ZBTB7C: variants seen among roughly 807,000 people sequenced by gnomAD.
ZBTB7C encodes zinc finger and BTB domain-containing protein 7C.
ZBTB7C carries 8 observed loss-of-function variants against 25.7 expected under a neutral mutation model. The observed-to-expected ratio is 0.31, with a 90% CI of 0.18 to 0.56. The LOEUF is 0.56. ZBTB7C is among the 20% of genes least tolerant of loss of function. The pLI is 0.91. For synonymous variants in ZBTB7C, 394 were observed against 369.0 expected, an observed-to-expected ratio of 1.07 and a Z score of -0.78; for missense variants, 824 against 855.2, an observed-to-expected ratio of 0.96 and a Z score of 0.46.
At chr18:48,171,318 A>G (rs1027668684) in intron 3 of ZBTB7C, among the ~76,000 whole-genome samples, 1 of 152,214 alleles carries the variant, frequency 6.6e-6, no homozygotes, top group African/African-American at 2.4e-5. Context: ...CCCCTCCTGG[A>G]GAGCAATGGG....
chr18:48,090,770 C>G (rs2038382325), intron 3 of ZBTB7C, among the ~76,000 whole-genome samples: 1 of 151,286 alleles, frequency 6.6e-6, no homozygotes, highest in Non-Finnish European at 1.5e-5. Context: ...AGACCCACCC[C>G]TTGCCTGTCT....
chr18:48,070,354 G>A (rs1011497531), intron 3 of ZBTB7C, among the ~76,000 whole-genome samples: 1 of 152,206 alleles, frequency 6.6e-6, no homozygotes, highest in African/African-American at 2.4e-5. Context: ...AATCCCAGCT[G>A]TAGGCTGGTC....
intron 1 of ZBTB7C, among the ~76,000 whole-genome samples, chr18:48,357,636 G>A (rs559783182): frequency 2.4e-4 from 37 of 152,276 alleles, no homozygotes; most frequent in Admixed American, 8.5e-4. Context: ...CTCCTGGAAG[G>A]TCTCACTAGT....
At chr18:48,256,914 AG>A (rs2044037074) in intron 2 of ZBTB7C, among the ~76,000 whole-genome samples, 1 of 152,038 alleles carries the variant, frequency 6.6e-6, no homozygotes, top group South Asian at 2.1e-4. Flanking sequence ...AAAAATATTC[AG>A]TCCAAAGGAA....
At chr18:48,147,775 G>C (rs1190896771) in intron 3 of ZBTB7C, 1 of 151,078 alleles carries the variant, frequency 6.6e-6, no homozygotes, top group African/African-American at 2.4e-5. Context: ...CACCACGCCT[G>C]GCTAATTGTT....
intron 3 of ZBTB7C, among the ~76,000 whole-genome samples, chr18:48,127,702 C>T (rs1030391699): frequency 3.8e-4 from 58 of 152,218 alleles, no homozygotes; most frequent in Admixed American, 2.4e-3. Context: ...GGTTGGCCGA[C>T]GCTCAGCTCC....
At chr18:48,056,752 T>C (rs1196885726) in intron 3 of ZBTB7C, among the ~76,000 whole-genome samples, 2 of 152,126 alleles carry the variant, frequency 1.3e-5, no homozygotes, top group Non-Finnish European at 2.9e-5. Context: ...AAATGATACA[T>C]GTAGCAAAGC....
At chr18:48,045,983 C>T (rs1295695834) in intron 3 of ZBTB7C, among the ~76,000 whole-genome samples, 1 of 152,212 alleles carries the variant, frequency 6.6e-6, no homozygotes, top group African/African-American at 2.4e-5. Flanking sequence ...ATGGGTGAGC[C>T]ACCTTGAGAG....
At chr18:48,390,423 C>T (rs561193586) in intron 1 of ZBTB7C, among the ~76,000 whole-genome samples, 8 of 152,140 alleles carry the variant, frequency 5.3e-5, no homozygotes, top group South Asian at 2.1e-4. Flanking sequence ...TTTTAACACA[C>T]ACATATAACA....
At chr18:48,289,555 TATATATTTATTATA>T (rs2045158647) in intron 2 of ZBTB7C, among the ~76,000 whole-genome samples, 1 of 131,040 alleles carries the variant, frequency 7.6e-6, no homozygotes, top group South Asian at 2.7e-4. Context: ...ATTCATTCAA[TATATATTTATTATA>T]ATATATTTAT....
chr18:48,378,312 C>T (rs1177617647), intron 1 of ZBTB7C, among the ~76,000 whole-genome samples: 1 of 152,154 alleles, frequency 6.6e-6, no homozygotes, highest in Admixed American at 6.5e-5. Flanking sequence ...AGATCTGCCA[C>T]ACTGAAAACA....
chr18:48,103,974 A>G (rs1477723111), intron 3 of ZBTB7C, among the ~76,000 whole-genome samples: 2 of 152,124 alleles, frequency 1.3e-5, no homozygotes, highest in Non-Finnish European at 2.9e-5. Flanking sequence ...GCTAATGGGT[A>G]TGGGGTTTCT....
At chr18:48,061,176 G>A (rs1310371381) in intron 3 of ZBTB7C, among the ~76,000 whole-genome samples, 1 of 152,168 alleles carries the variant, frequency 6.6e-6, no homozygotes, top group Non-Finnish European at 1.5e-5. Context: ...AAACTGAAAG[G>A]AAAAATGTGT....
At chr18:48,375,256 C>G (rs1160177803) in intron 1 of ZBTB7C, among the ~76,000 whole-genome samples, 1 of 152,246 alleles carries the variant, frequency 6.6e-6, no homozygotes, top group Non-Finnish European at 1.5e-5. Context: ...CAGTCTCTCC[C>G]CGCCTGGTGT....
chr18:48,156,404 C>T (rs191533704), intron 3 of ZBTB7C, among the ~76,000 whole-genome samples: 13 of 152,302 alleles, frequency 8.5e-5, no homozygotes, highest in African/African-American at 3.1e-4. Context: ...CATCAGTTTT[C>T]CAGTCTGTCT....
intron 2 of ZBTB7C, among the ~76,000 whole-genome samples, chr18:48,317,749 C>T (rs921696177): frequency 6.6e-6 from 1 of 152,204 alleles, no homozygotes; most frequent in Admixed American, 6.5e-5. Context: ...CTATTGAGGG[C>T]AGAGCCAGTG....
intron 3 of ZBTB7C, among the ~76,000 whole-genome samples, chr18:48,104,461 TA>T (rs1264066939): frequency 6.6e-6 from 1 of 152,186 alleles, no homozygotes; most frequent in Non-Finnish European, 1.5e-5. Context: ...CTCTTTTCTT[TA>T]TAAATTGTCT....
At chr18:48,083,806 A>G in intron 3 of ZBTB7C, 2 of 981,998 alleles carry the variant, frequency 2.0e-6, no homozygotes, top group Non-Finnish European at 2.4e-6. Flanking sequence ...TCTGATTATG[A>G]GGTTATAAAG....
In ZBTB7C at chr18:48,111,409, T is replaced by C. The variant is rs539913690; in HGVS notation, c.-16-70286A>G. Among the ~76,000 whole-genome samples, 7 of 152,320 alleles carry C rather than the reference T, an allele frequency of 4.6e-5. No individual in the cohort carries two copies. In the South Asian group the frequency reaches 1.4e-3, roughly 32 times the overall value. ...TAAGGTTTATGAAGTGAACAATGGATTTCAAAATTAAAAAGTCAGTGATGA... is the reference window on the plus strand; with the variant it reads ...TAAGGTTTATGAAGTGAACAATGGACTTCAAAATTAAAAAGTCAGTGATGA... On this transcript the variant is annotated intron_variant, in intron 3 of 4. Transcript: ENST00000590800.
Sources: gnomAD v4.1 joint callset for allele counts (sites outside exome capture counted in the v4.1 genomes callset) on GRCh38, gnomAD v4.1.1 for gene constraint, MANE v1.5 for transcripts, NCBI Gene and HGNC (gene_info 2026-07-23, HGNC 2026-07-21) for gene names.